CROCC: variants seen among roughly 807,000 people sequenced by gnomAD.
The protein encoded by CROCC is rootletin.
In CROCC, 180 loss-of-function variants were observed where a neutral mutation model predicts 245.2. The ratio of observed to expected loss-of-function variants is 0.73; its 90% confidence interval spans 0.65 to 0.83. The LOEUF (loss-of-function observed/expected upper bound fraction) is 0.83. Ranked by LOEUF, CROCC falls within the 40% of genes least tolerant of loss-of-function variation. The probability of loss-of-function intolerance (pLI) is 0.00; values close to 1 mark genes in which losing one functional copy is unlikely to be tolerated. For synonymous variants in CROCC, 1,205 were observed against 1,241.6 expected, an observed-to-expected ratio of 0.97 and a Z score of 0.62; for missense variants, 2,688 against 2,779.4, an observed-to-expected ratio of 0.97 and a Z score of 0.74.
chr1:16,926,767 G>A (rs1229377756), intron 3 of CROCC, among the ~76,000 whole-genome samples: 2 of 152,270 alleles, frequency 1.3e-5, no homozygotes, highest in South Asian at 2.1e-4. Flanking sequence ...AGACCCCCTG[G>A]GCTCCCTCGT....
upstream of CROCC, among the ~76,000 whole-genome samples, chr1:16,921,036 G>A (rs1462934601): frequency 2.0e-5 from 3 of 152,268 alleles, no homozygotes; most frequent in Admixed American, 6.5e-5. Context: ...GAGTGCCTGC[G>A]CCTGGCTGGG....
upstream of CROCC, among the ~76,000 whole-genome samples, chr1:16,919,857 G>A (rs1197334662): frequency 2.6e-5 from 4 of 152,238 alleles, no homozygotes; most frequent in Non-Finnish European, 5.9e-5. Context: ...TGGGATTATA[G>A]ACCTGAATCA....
chr1:16,935,003 G>A (rs1294175830), intron 8 of CROCC, among the ~76,000 whole-genome samples: 9 of 151,652 alleles, frequency 5.9e-5, no homozygotes, highest in African/African-American at 1.7e-4. Flanking sequence ...AGGTTCAAGC[G>A]ATTCTCCCAC....
Position 16,930,611 on chromosome 1 carries a change from A to G in CROCC, c.849+17A>G, listed in dbSNP as rs760379893. ...GAGGAGGAGGTGGGCATGGGGGTGC[A>G]GGGAGGCCAGCCTGACCCAAGAGGA... On this transcript the variant is annotated intron_variant, in intron 7 of 36. Transcript: ENST00000375541. 5 of 1,598,260 alleles carry G rather than the reference A, an allele frequency of 3.1e-6. No homozygotes were observed. The South Asian group carries it at 5.6e-5, about 18-fold the overall frequency.
intron 3 of CROCC, among the ~76,000 whole-genome samples, chr1:16,929,119 AC>A: frequency 6.6e-6 from 1 of 152,268 alleles, no homozygotes; most frequent in East Asian, 1.9e-4. Context: ...GAGCCACTGC[AC>A]CCAGCCAGAA....
Position 16,944,122 on chromosome 1 carries a change from A to G in CROCC, c.1831A>G (p.Ser611Gly). 1 of 1,557,760 alleles carries G rather than the reference A, an allele frequency of 6.4e-7. No individual in the cohort carries two copies. The highest frequency in any genetic ancestry group is 8.7e-7 in the Non-Finnish European group (1 of 1,150,208). Residue 611 changes from serine to glycine, a missense_variant, in exon 14 of 37, where the codon AGC becomes GGC. Around this residue, in one of 9 missense-constraint regions of CROCC, gnomAD observed 972 missense variants for 895.3 expected, o/e 1.09. Transcript: ENST00000375541. ...AAGGGAGAAGAGCAACCTGGCCCAC[A>G]GCCTGCAGGTGGCCCAGCAGCAGGC... ...LSREKSNLAH[S>G]LQVAQQQAEE... is the part of the protein sequence containing the mutation.
Position 16,954,860 on chromosome 1 carries a change from G to T in CROCC, c.3448G>T (p.Asp1150Tyr). 1.3e-6 allele frequency: 2 copies of T among 1,536,888 alleles called. No individual in the cohort carries two copies. Among genetic ancestry groups the T allele is most frequent in the Non-Finnish European group, 1.8e-6 (2 of 1,135,370 alleles). The stretch of plus-strand genomic sequence containing the variant: ...GGCCCGAGACCTGGGCAAGCAGCGG[G>T]ACTCCTGTCTTCGCGAGGTGAGCAG... ...EQARDLGKQR[D>Y]SCLREAEELR... The change falls in exon 23 of 37, where the codon GAC becomes TAC. Residue 1150 changes from aspartate (D) to tyrosine (Y), a missense_variant. Transcript: ENST00000375541. This position sits in a 1 kb window ranked among gnomAD's most constrained non-coding sequence, Gnocchi z 4.4.
In CROCC at chr1:16,969,923, C is replaced by A. The variant is rs755139226; in HGVS notation, c.5440C>A (p.Gln1814Lys). 1 of 1,596,964 alleles carries A rather than the reference C, an allele frequency of 6.3e-7. No individual in the cohort carries two copies. Among genetic ancestry groups the A allele is most frequent in the South Asian group, 1.1e-5 (1 of 87,564 alleles). ...QRVEAEGQLQ[Q>K]LREVLRQRQE... is the part of the protein sequence containing the mutation. ...GGTGGAGGCCGAGGGCCAGCTACAA[C>A]AGCTACGGGAGGTGAGGGCCAGGGT... Residue 1814 changes from glutamine (Q) to lysine (K), a missense_variant, in exon 33 of 37, where the codon CAG (glutamine) becomes AAG (lysine). This residue lies in a region of CROCC where 1,218 missense variants were observed against 1,286.3 expected (regional missense o/e 0.95). Transcript: ENST00000375541.
rs934216232 is a variant in CROCC, at chr1:16,972,726, G to C, written c.*280G>C. 12 of 278,028 alleles carry C rather than the reference G, an allele frequency of 4.3e-5. No individual in the cohort carries two copies. The highest frequency in any genetic ancestry group is 1.6e-4 in the African/African-American group (7 of 44,054). 17.2% of individuals were successfully genotyped at this position (278,028 alleles called of 1,614,324 possible). On this transcript the variant is annotated 3_prime_UTR_variant, in exon 37 of 37. Transcript: ENST00000375541. ...TGAGCCGTAGCCAGGATTGGGGAGA[G>C]CCCTTGTCTCTGGTCAGCCCTGGAG...
At position 16,966,580 on chromosome 1, in the gene CROCC, G is replaced by A; in HGVS notation, c.4860+9G>A. ...AGCTCCGGGCCAGCCAGGTGGGCAG[G>A]AGCTGAGGGCCAGCGGGGCGACGGG... is the stretch of plus-strand genomic sequence containing the variant. On this transcript the variant is annotated intron_variant, in intron 30 of 36. Coordinates refer to ENST00000375541, the MANE Select transcript of CROCC (RefSeq NM_014675.5). This position sits in a 1 kb window ranked among gnomAD's most constrained non-coding sequence, Gnocchi z 4.8. The A allele has an allele frequency of 1.4e-6, 2 of 1,469,078 alleles. No homozygotes were observed. The highest frequency in any genetic ancestry group is 1.8e-6 in the Non-Finnish European group (2 of 1,112,394). The allele number at this position is 1,469,078 out of a possible 1,614,324, so 91.0% of individuals were successfully genotyped here. A position where few individuals can be genotyped will look rare whatever the true frequency, so the allele number is the denominator to read the frequency against.
At chr1:16,921,630 C>G (rs1409855510), upstream of CROCC, among the ~76,000 whole-genome samples, 1 of 152,296 alleles carries the variant, frequency 6.6e-6, no homozygotes, top group Non-Finnish European at 1.5e-5. Context: ...GACCCCACCC[C>G]CTGGGCTTGG....
At chr1:16,920,847 G>A (rs558198117), upstream of CROCC, among the ~76,000 whole-genome samples, 753 of 150,546 alleles carry the variant, frequency 5.0e-3, no homozygotes, top group African/African-American at 0.017. Flanking sequence ...GAGTTCAATC[G>A]ATTCTCCTGC....
rs2075987606 is a variant in CROCC at position 16,943,879 on chromosome 1, C to T, written c.1809-221C>T. Among the ~76,000 whole-genome samples the T allele has an allele frequency of 2.6e-5, 4 of 152,296 alleles. 1 individual carries two copies. In the South Asian group the frequency reaches 8.3e-4, roughly 31 times the overall value. On this transcript the variant is annotated intron_variant, in intron 13 of 36. Transcript: ENST00000375541. The stretch of plus-strand genomic sequence containing the variant: ...GAGATCACACCAGCACCTCCATCCA[C>T]TCCAAGTGGGCGGACTGGAGAGAAG...
At position 16,966,232 on chromosome 1, in the gene CROCC, C is replaced by T. The variant is rs1356572560; in HGVS notation, c.4696+113C>T. On this transcript the variant is annotated intron_variant, in intron 29 of 36. Transcript: ENST00000375541. This position sits in a 1 kb window ranked among gnomAD's most constrained non-coding sequence, Gnocchi z 4.8. ...GTGGCCCCCATGACCTGACTCGGGG[C>T]TGTCTCCAAGAGGACCCTCCTTGGA... 1.4e-6 allele frequency: 2 copies of T among 1,480,846 alleles called. No individual in the cohort carries two copies. Among genetic ancestry groups the T allele is most frequent in the African/African-American group, 1.4e-5 (1 of 71,874 alleles). The allele number at this position is 1,480,846 out of a possible 1,614,324, so 91.7% of individuals were successfully genotyped here. A position where few individuals can be genotyped will look rare whatever the true frequency, so the allele number is the denominator to read the frequency against.
At chr1:16,943,201 A>G (rs1301307475) in intron 13 of CROCC, among the ~76,000 whole-genome samples, 1 of 151,404 alleles carries the variant, frequency 6.6e-6, no homozygotes, top group African/African-American at 2.4e-5. Context: ...GAGATCGTGC[A>G]CTGCACTCCA....
Position 16,944,191 on chromosome 1 carries a change from G to A in CROCC, c.1900G>A (p.Glu634Lys). ...QEREKLQAAQ[E>K]ELRRQRDRLE... ...GCGGGAGAAGCTGCAGGCTGCCCAG[G>A]AGGAGCTGCGGCGCCAGCGGGACCG... The change falls in exon 14 of 37, where the codon GAG (glutamate) becomes AAG (lysine). Residue 634 changes from glutamate to lysine, a missense_variant. Physicochemically the swap from Glu to Lys is moderately conservative, Grantham distance 56. Coordinates refer to ENST00000375541, the MANE Select transcript of CROCC (RefSeq NM_014675.5). 6.4e-7 allele frequency: 1 copy of A among 1,555,498 alleles called. No homozygotes were observed. Among genetic ancestry groups the A allele is most frequent in the Non-Finnish European group, 8.7e-7 (1 of 1,149,472 alleles).
At chr1:16,938,542 CCA>C in intron 11 of CROCC, 59 bp downstream of exon 11, 2 of 1,467,836 alleles carry the variant, frequency 1.4e-6, no homozygotes, top group Non-Finnish European at 1.9e-6. Flanking sequence ...GGCTCCCCCG[CCA>C]CGTCTTTCGG....
In CROCC at chr1:16,946,257, A is replaced by G. The variant is rs2076043199; in HGVS notation, c.2137-2A>G. On this transcript the variant is annotated splice_acceptor_variant, in intron 15 of 36. Coordinates refer to ENST00000375541, the MANE Select transcript of CROCC (RefSeq NM_014675.5). LOFTEE classifies it high-confidence loss of function. The stretch of plus-strand genomic sequence containing the variant: ...CTCATTTCTCGGGGCCTGACCCTGC[A>G]GGCTGAGGCTGGCCGCGTGGAGCTC... 8.1e-6 allele frequency: 13 copies of G among 1,611,722 alleles called. No individual in the cohort carries two copies. The highest frequency in any genetic ancestry group is 1.1e-5 in the Non-Finnish European group (13 of 1,179,168).
Position 16,929,899 on chromosome 1 carries a change from G to A in CROCC, c.405G>A (p.Arg135=), listed in dbSNP as rs762384312. The A allele has an allele frequency of 2.5e-6, 4 of 1,588,534 alleles. No homozygotes were observed. The highest frequency in any genetic ancestry group is 1.1e-5 in the South Asian group (1 of 87,340). The part of the protein sequence containing the change: ...EPGELETQEP[R]GLVRQSVELR... ...GGGAGCTGGAGACGCAGGAGCCCAG[G>A]GGGCTGGTACGGCAGAGCGTGGAGT... The change falls in exon 4 of 37, where the codon AGG becomes AGA. Residue 135 remains arginine (R), a synonymous_variant. Coordinates refer to ENST00000375541, the MANE Select transcript of CROCC (RefSeq NM_014675.5).
Sources: gnomAD v4.1 joint callset for allele counts (sites outside exome capture counted in the v4.1 genomes callset) on GRCh38, gnomAD v4.1.1 for gene constraint, gnomAD v4.1.1 regional missense constraint, Gnocchi (gnomAD v3.1) non-coding constraint, MANE v1.5 for transcripts, NCBI Gene and HGNC (gene_info 2026-07-23, HGNC 2026-07-21) for gene names.